The following MAPKAP1 variants were observed in gnomAD, a reference collection of about 807,000 sequenced individuals.
The protein encoded by MAPKAP1 is MAPK associated protein 1, also known as target of rapamycin complex 2 subunit MAPKAP1.
Under a neutral mutation model 65.7 loss-of-function variants are expected in MAPKAP1, and 20 were observed. The observed-to-expected ratio is 0.30, with a 90% CI of 0.21 to 0.44. The LOEUF (loss-of-function observed/expected upper bound fraction) is 0.44, where lower values mean the gene tolerates loss of function less well. Among genes scored for constraint, MAPKAP1 ranks in the 20% least tolerant of loss-of-function variants. The pLI is 1.00. For synonymous variants in MAPKAP1, 222 were observed against 244.3 expected (o/e 0.91, Z 0.85); for missense variants, 423 against 648.0 (o/e 0.65, Z 3.77).
At chr9:125,670,442 GA>G (rs1355828814) in intron 2 of MAPKAP1, among the ~76,000 whole-genome samples, 1 of 152,174 alleles carries the variant, frequency 6.6e-6, no homozygotes, top group Non-Finnish European at 1.5e-5. Flanking sequence ...TCAGTGGGCT[GA>G]AACAGTTTAT....
At chr9:125,573,528 C>A (rs563454123) in intron 5 of MAPKAP1, among the ~76,000 whole-genome samples, 28 of 152,296 alleles carry the variant, frequency 1.8e-4, no homozygotes, top group Non-Finnish European at 2.9e-4. Context: ...GGCTATGGAA[C>A]AGCCATTCTT....
chr9:125,474,894 T>C (rs1854047366), intron 9 of MAPKAP1, among the ~76,000 whole-genome samples: 1 of 152,202 alleles, frequency 6.6e-6, no homozygotes, highest in African/African-American at 2.4e-5. Context: ...TGTCTTCAGG[T>C]TACCGAGAGC....
intron 5 of MAPKAP1, among the ~76,000 whole-genome samples, chr9:125,577,360 C>A (rs1030588374): frequency 6.6e-6 from 1 of 150,992 alleles, no homozygotes; most frequent in African/African-American, 2.4e-5. Context: ...CGTCTCCGCC[C>A]GGCAGCCACC....
intron 3 of MAPKAP1, among the ~76,000 whole-genome samples, chr9:125,661,855 C>A (rs938635224): frequency 6.6e-6 from 1 of 151,976 alleles, no homozygotes. Context: ...AGATTAACTA[C>A]AAAGAGGGGA....
intron 9 of MAPKAP1, among the ~76,000 whole-genome samples, chr9:125,470,640 C>T (rs773991741): frequency 8.5e-5 from 13 of 152,210 alleles, no homozygotes; most frequent in African/African-American, 1.2e-4. Flanking sequence ...TCTGCACAGC[C>T]ACAGAACACT....
At chr9:125,674,061 G>T (rs1485300868) in intron 1 of MAPKAP1, among the ~76,000 whole-genome samples, 1 of 152,058 alleles carries the variant, frequency 6.6e-6, no homozygotes, top group South Asian at 2.1e-4. Flanking sequence ...GCAGGACAAC[G>T]GTTAGGTACT....
At chr9:125,637,200 C>T (rs1208710081) in intron 4 of MAPKAP1, among the ~76,000 whole-genome samples, 2 of 151,810 alleles carry the variant, frequency 1.3e-5, no homozygotes, top group African/African-American at 4.8e-5. Context: ...ACCCAGGAGG[C>T]CAAGGATGCA....
intron 4 of MAPKAP1, 78 bp from the exon 5 acceptor site, chr9:125,585,805 A>G: frequency 7.2e-7 from 1 of 1,386,148 alleles, no homozygotes. Context: ...GCCTGTGGGC[A>G]GCACAGCCAT....
At chr9:125,693,718 C>G (rs1835279207) in intron 1 of MAPKAP1, among the ~76,000 whole-genome samples, 1 of 118,486 alleles carries the variant, frequency 8.4e-6, no homozygotes, top group Non-Finnish European at 1.9e-5. Flanking sequence ...CACATATATA[C>G]ACGTATATAC....
chr9:125,625,103 G>A (rs1373790774), intron 4 of MAPKAP1, among the ~76,000 whole-genome samples: 2 of 86,676 alleles, frequency 2.3e-5, no homozygotes, highest in Non-Finnish European at 4.7e-5. Context: ...CAAACGCTGC[G>A]GAAGGCCGCA....
chr9:125,455,258 T>C (rs1043464196), intron 10 of MAPKAP1, among the ~76,000 whole-genome samples: 1 of 152,158 alleles, frequency 6.6e-6, no homozygotes, highest in Non-Finnish European at 1.5e-5. Context: ...CCCTAAAAAG[T>C]CGTCCAACAA....
chr9:125,518,810 G>A (rs1263382785), intron 7 of MAPKAP1, among the ~76,000 whole-genome samples: 1 of 152,216 alleles, frequency 6.6e-6, no homozygotes, highest in East Asian at 1.9e-4. Context: ...AAACATAGGT[G>A]CACTGATATG....
At chr9:125,507,946 G>T (rs983393156) in intron 7 of MAPKAP1, among the ~76,000 whole-genome samples, 2 of 152,076 alleles carry the variant, frequency 1.3e-5, no homozygotes, top group Non-Finnish European at 2.9e-5. Context: ...ACTTCGGGGG[G>T]ACCAATTGAA....
At chr9:125,472,193 C>T (rs977265413) in intron 9 of MAPKAP1, among the ~76,000 whole-genome samples, 4 of 152,152 alleles carry the variant, frequency 2.6e-5, no homozygotes, top group Admixed American at 2.6e-4. Context: ...TATAACATAT[C>T]CCAGGAGAGG....
chr9:125,676,715 T>C (rs1834656929), intron 1 of MAPKAP1, among the ~76,000 whole-genome samples: 1 of 152,230 alleles, frequency 6.6e-6, no homozygotes, highest in African/African-American at 2.4e-5. Flanking sequence ...ATAATATGAA[T>C]GTATGTAATG....
At chr9:125,626,907 T>C (rs577660071) in intron 4 of MAPKAP1, among the ~76,000 whole-genome samples, 4 of 152,364 alleles carry the variant, frequency 2.6e-5, no homozygotes, top group African/African-American at 9.6e-5. Flanking sequence ...GGCTTATGTA[T>C]CTAATTTAAT....
chr9:125,672,251 C>T lies in MAPKAP1; in HGVS notation c.259+65G>A. ...CCATTAAGCCTATTCCAATATTATG[C>T]ATTATTCCATAAGACTGTTTACTGA... On this transcript the variant is annotated intron_variant, in intron 2 of 11. Coordinates refer to ENST00000265960, the MANE Select transcript of MAPKAP1 (RefSeq NM_001006617.3). The T allele has an allele frequency of 1.4e-5, 22 of 1,552,022 alleles. No homozygotes were observed. The South Asian group carries it at 2.1e-4, about 15-fold the overall frequency.
intron 5 of MAPKAP1, among the ~76,000 whole-genome samples, chr9:125,574,712 T>C (rs537326480): frequency 1.3e-5 from 2 of 152,362 alleles, no homozygotes; most frequent in South Asian, 4.1e-4. Flanking sequence ...ACACTACTAC[T>C]GCTGAACTAC....
intron 4 of MAPKAP1, among the ~76,000 whole-genome samples, chr9:125,635,199 T>C (rs1250807789): frequency 1.3e-5 from 2 of 152,218 alleles, no homozygotes; most frequent in Non-Finnish European, 2.9e-5. Context: ...TCCTACCCTC[T>C]GATTTACCAG....
Sources: allele counts gnomAD v4.1 joint callset (sites outside exome capture counted in the v4.1 genomes callset), GRCh38; gene constraint gnomAD v4.1.1; transcripts MANE v1.5; gene names NCBI Gene and HGNC (gene_info 2026-07-23, HGNC 2026-07-21).